Variants in NLRC4 observed in about 807,000 individuals in gnomAD.
The protein encoded by NLRC4 is NLR family CARD domain-containing protein 4.
In NLRC4, 63 loss-of-function variants were observed where a neutral mutation model predicts 79.9. The observed-to-expected ratio is 0.79, with a 90% CI of 0.64 to 0.97. NLRC4 has a LOEUF of 0.97. NLRC4 is among the 50% of genes least tolerant of loss of function. The probability of loss-of-function intolerance (pLI) is 0.00; values close to 1 mark genes in which losing one functional copy is unlikely to be tolerated. For missense variants in NLRC4, 1,074 were observed against 1,215.2 expected (o/e 0.88, Z 1.73); for synonymous variants, 461 against 456.5 (o/e 1.01, Z -0.12).
At chr2:32,224,887 T>G (rs1290489617) in intron 8 of NLRC4, 122 bp from the exon 9 acceptor site, 2 of 587,042 alleles carry the variant, frequency 3.4e-6, no homozygotes, top group Non-Finnish European at 5.8e-6. Flanking sequence ...TTTGAACCAG[T>G]GCTTTGCCTC....
chr2:32,252,483 A>G lies in NLRC4; in HGVS notation c.198T>C (p.Cys66=). The change falls in exon 3 of 9, where the codon TGT becomes TGC. Residue 66 remains cysteine, a synonymous_variant. Coordinates refer to ENST00000402280, the MANE Select transcript of NLRC4 (RefSeq NM_001199138.2). The part of the protein sequence containing the change: ...HMILKKGSES[C]NLFLKSLKEW... ...CCTTAAGGGATTTAAGAAAGAGGTT[A>G]CAGGACTCTGAACCCTTTTTCAAAA... 1.2e-6 allele frequency: 2 copies of G among 1,611,430 alleles called. No individual in the cohort carries two copies. Among genetic ancestry groups the G allele is most frequent in the Non-Finnish European group, 1.7e-6 (2 of 1,177,462 alleles).
At chr2:32,264,453 G>C (rs1285471687) in intron 1 of NLRC4, among the ~76,000 whole-genome samples, 1 of 138,618 alleles carries the variant, frequency 7.2e-6, no homozygotes, top group East Asian at 2.1e-4. Context: ...AAAAAAAAAA[G>C]AGTGAGTTTC....
intron 8 of NLRC4, among the ~76,000 whole-genome samples, chr2:32,226,464 G>A (rs888128678): frequency 1.3e-5 from 2 of 152,188 alleles, no homozygotes; most frequent in Admixed American, 6.5e-5. Context: ...AGATGCTAGC[G>A]GCTAAAGTGG....
rs139399983 is a variant in NLRC4, at chr2:32,238,754, G to A, written c.2351-452C>T. 1.8e-3 allele frequency among the ~76,000 whole-genome samples: 280 copies of A among 152,166 alleles called. 2 individuals carry two copies. Among genetic ancestry groups the A allele is most frequent in the African/African-American group, 6.5e-3 (271 of 41,494 alleles). On this transcript the variant is annotated intron_variant, in intron 5 of 8. Transcript: ENST00000402280. ...TCTACAGCCTCAAAAGCCTTGCCTG[G>A]ACTCATGATATGGGGCCTGCCTGAA...
Position 32,235,446 on chromosome 2 carries a change from C to A in NLRC4, c.2737G>T (p.Gly913Trp). 6.2e-7 allele frequency: 1 copy of A among 1,614,132 alleles called. No homozygotes were observed. The highest frequency in any genetic ancestry group is 1.1e-5 in the South Asian group (1 of 91,082). Residue 913 changes from glycine to tryptophan, a missense_variant, in exon 8 of 9, where the codon GGG (glycine) becomes TGG (tryptophan). Transcript: ENST00000402280. The stretch of plus-strand genomic sequence containing the variant: ...TCTGTGAGTCTCCAGTTTTTCAACC[C>A]AAGCTTGACGAGTTGTGGGACCTCC... ...LEEVPQLVKL[G>W]LKNWRLTDTE...
intron 3 of NLRC4, among the ~76,000 whole-genome samples, chr2:32,251,851 A>G (rs1229230386): frequency 6.6e-6 from 1 of 152,154 alleles, no homozygotes; most frequent in Non-Finnish European, 1.5e-5. Context: ...TGGTTGGAAA[A>G]GGGAGGAGCT....
rs145129525 is a variant in NLRC4 at position 32,252,660 on chromosome 2, A to C, written c.21T>G (p.Asn7Lys). The C allele has an allele frequency of 1.2e-6, 2 of 1,612,970 alleles. No individual in the cohort carries two copies. Among genetic ancestry groups the C allele is most frequent in the Non-Finnish European group, 1.7e-6 (2 of 1,178,962 alleles). The change falls in exon 3 of 9, where the codon AAT becomes AAG. Residue 7 changes from asparagine (N) to lysine (K), a missense_variant. Asn to Lys is a moderately conservative substitution (Grantham distance 94). Transcript: ENST00000402280. MNFIKD[N>K]SRALIQRMGM... Reference sequence around the variant, plus strand: ...CCATTCTTTGAATAAGGGCTCGGCTATTGTCCTTTATGAAATTCACTGAGG... The same window carrying C: ...CCATTCTTTGAATAAGGGCTCGGCTCTTGTCCTTTATGAAATTCACTGAGG...
chr2:32,255,202 T>A (rs1049352483), intron 2 of NLRC4, among the ~76,000 whole-genome samples: 2 of 150,794 alleles, frequency 1.3e-5, no homozygotes, highest in African/African-American at 5.0e-5. Context: ...TGTGTCCCAT[T>A]GTGATCTTCA....
At position 32,252,347 on chromosome 2, in the gene NLRC4, C is replaced by T. The variant is rs552269204; in HGVS notation, c.262+72G>A. 4 of 1,111,956 alleles carry T rather than the reference C, an allele frequency of 3.6e-6. No homozygotes were observed. The East Asian group carries it at 9.4e-5, about 26-fold the overall frequency. 68.9% of individuals were successfully genotyped at this position (1,111,956 alleles called of 1,614,324 possible). A position where few individuals can be genotyped will look rare whatever the true frequency, so the allele number is the denominator to read the frequency against. ...AGAGAAGGAAAAGCAGAGGCTCTGC[C>T]ATGGGGAAGATGGATCTTTGTTGTG... On this transcript the variant is annotated intron_variant, in intron 3 of 8. Transcript: ENST00000402280.
At chr2:32,265,700 T>C (rs757326937), upstream of NLRC4, 2 of 152,432 alleles carry the variant, frequency 1.3e-5, no homozygotes, top group African/African-American at 4.8e-5. Flanking sequence ...ACTCCACCGA[T>C]GACGCACGGG....
intron 1 of NLRC4, among the ~76,000 whole-genome samples, chr2:32,258,412 C>A (rs897107452): frequency 6.6e-6 from 1 of 152,208 alleles, no homozygotes; most frequent in Non-Finnish European, 1.5e-5. Flanking sequence ...GGAAATGCAA[C>A]ATTTGGGCGC....
chr2:32,263,104 C>T (rs1687391297), intron 1 of NLRC4, among the ~76,000 whole-genome samples: 1 of 152,042 alleles, frequency 6.6e-6, no homozygotes, highest in African/African-American at 2.4e-5. Flanking sequence ...TTTCTCTGGA[C>T]CCATATAACC....
chr2:32,247,245 G>A (rs1286110319), intron 4 of NLRC4, among the ~76,000 whole-genome samples: 1 of 152,184 alleles, frequency 6.6e-6, no homozygotes, highest in Non-Finnish European at 1.5e-5. Context: ...ATTGGGTAGA[G>A]ATGGGGGTGC....
chr2:32,237,744 A>G (rs562241256), intron 6 of NLRC4, among the ~76,000 whole-genome samples: 20 of 152,326 alleles, frequency 1.3e-4, no homozygotes, highest in African/African-American at 4.3e-4. Context: ...ATGGGTAGGA[A>G]TTAGAAGCCT....
intron 8 of NLRC4, among the ~76,000 whole-genome samples, chr2:32,231,846 C>T (rs966089457): frequency 6.6e-6 from 1 of 152,136 alleles, no homozygotes. Context: ...AGGCGTGAGC[C>T]ACCACACCCA....
chr2:32,259,990 A>T (rs1687301938), intron 1 of NLRC4, among the ~76,000 whole-genome samples: 1 of 152,178 alleles, frequency 6.6e-6, no homozygotes, highest in African/African-American at 2.4e-5. Context: ...GCATATTGGG[A>T]GGCCGAGGTG....
At chr2:32,230,454 T>C (rs1018340793) in intron 8 of NLRC4, among the ~76,000 whole-genome samples, 1 of 150,256 alleles carries the variant, frequency 6.7e-6, no homozygotes, top group Non-Finnish European at 1.5e-5. Flanking sequence ...CGTGAGCCAC[T>C]GGGCCCAGCC....
chr2:32,249,711 A>T lies in NLRC4; in HGVS notation c.2153T>A (p.Met718Lys). The T allele has an allele frequency of 6.2e-7, 1 of 1,614,180 alleles. No individual in the cohort carries two copies. Among genetic ancestry groups the T allele is most frequent in the Non-Finnish European group, 8.5e-7 (1 of 1,180,000 alleles). The part of the protein sequence containing the change: ...LSTCKNIYSL[M>K]VEASPLTIED... ...TATGGTGAGGGGACTGGCTTCCACC[A>T]TGAGAGAATAAATGTTCTTACAGGT... Residue 718 changes from methionine to lysine, a missense_variant, in exon 4 of 9, where the codon ATG (methionine) becomes AAG (lysine). Transcript: ENST00000402280.
At chr2:32,239,106 C>T (rs1305737142) in intron 5 of NLRC4, among the ~76,000 whole-genome samples, 9 of 152,118 alleles carry the variant, frequency 5.9e-5, no homozygotes, top group African/African-American at 2.2e-4. Flanking sequence ...CATGGCGGAA[C>T]CCCATCTCTA....
Sources: allele counts gnomAD v4.1 joint callset (sites outside exome capture counted in the v4.1 genomes callset), GRCh38; gene constraint gnomAD v4.1.1; transcripts MANE v1.5; gene names NCBI Gene and HGNC (gene_info 2026-07-23, HGNC 2026-07-21).